CFAP54: variants seen among roughly 807,000 people sequenced by gnomAD.
CFAP54 encodes the protein cilia and flagella associated protein 54.
A neutral mutation model predicts 370.4 loss-of-function variants in CFAP54; 290 were observed. That is an observed-to-expected ratio of 0.78 (90% CI 0.71 to 0.86). The LOEUF (loss-of-function observed/expected upper bound fraction) is 0.86, where lower values mean the gene tolerates loss of function less well. Among genes scored for constraint, CFAP54 ranks in the 40% least tolerant of loss-of-function variants. CFAP54 has a pLI of 0.00. For missense variants in CFAP54, 3,399 were observed against 3,528.7 expected (o/e 0.96, Z 0.93); for synonymous variants, 1,206 against 1,236.5 (o/e 0.98, Z 0.52).
intron 15 of CFAP54, among the ~76,000 whole-genome samples, chr12:96,548,950 G>A (rs949609820): frequency 6.6e-6 from 1 of 151,954 alleles, no homozygotes; most frequent in African/African-American, 2.4e-5. Flanking sequence ...TGCCTTCCAG[G>A]TTCAAGCCAG....
At chr12:96,546,746 C>G (rs1461542790) in intron 14 of CFAP54, among the ~76,000 whole-genome samples, 2 of 150,654 alleles carry the variant, frequency 1.3e-5, no homozygotes, top group Non-Finnish European at 3.0e-5. Flanking sequence ...GGAGAATCAC[C>G]TGAAGCTGGG....
At chr12:96,751,156 G>A (rs1332222917) in intron 55 of CFAP54, among the ~76,000 whole-genome samples, 1 of 152,090 alleles carries the variant, frequency 6.6e-6, no homozygotes, top group East Asian at 1.9e-4. Context: ...ACATGAAAAA[G>A]TAGATTACTG....
At chr12:96,615,447 C>T (rs915789963) in intron 26 of CFAP54, among the ~76,000 whole-genome samples, 2 of 152,152 alleles carry the variant, frequency 1.3e-5, no homozygotes, top group African/African-American at 4.8e-5. Context: ...AGGACATAGG[C>T]ATGGGCAAGG....
intron 26 of CFAP54, among the ~76,000 whole-genome samples, chr12:96,610,067 G>T (rs1449474061): frequency 6.6e-6 from 1 of 152,130 alleles, no homozygotes; most frequent in Non-Finnish European, 1.5e-5. Flanking sequence ...TTGCCATAAG[G>T]CCACTTTAAT....
At chr12:96,740,494 C>G (rs563851221) in intron 51 of CFAP54, among the ~76,000 whole-genome samples, 150 of 152,326 alleles carry the variant, frequency 9.8e-4, no homozygotes, top group African/African-American at 3.5e-3. Context: ...TGCATTCAAG[C>G]TCTCAAATCT....
intron 50 of CFAP54, among the ~76,000 whole-genome samples, chr12:96,731,969 G>A (rs1204277814): frequency 6.6e-6 from 1 of 152,108 alleles, no homozygotes; most frequent in African/African-American, 2.4e-5. Flanking sequence ...GTAATTTGAA[G>A]CAGCTATTCA....
intron 36 of CFAP54, among the ~76,000 whole-genome samples, chr12:96,654,765 T>C (rs1956903257): frequency 1.3e-5 from 2 of 152,032 alleles, no homozygotes; most frequent in East Asian, 3.9e-4. Context: ...TGTTCACATT[T>C]TTTAGCTGCC....
chr12:96,555,832 G>T (rs1429010269), intron 17 of CFAP54, among the ~76,000 whole-genome samples: 1 of 151,734 alleles, frequency 6.6e-6, no homozygotes, highest in Non-Finnish European at 1.5e-5. Flanking sequence ...TATTCAAATA[G>T]ATCTATAGAC....
chr12:96,554,049 C>G (rs946271489), intron 15 of CFAP54, 133 bp from the exon 16 acceptor site: 1 of 521,306 alleles, frequency 1.9e-6, no homozygotes, highest in African/African-American at 2.0e-5. Context: ...TAGTTAGAGA[C>G]ATAACATTGT....
At chr12:96,507,556 CACAT>C (rs771107027) in intron 4 of CFAP54, among the ~76,000 whole-genome samples, 19,744 of 147,328 alleles carry the variant, frequency 0.13, 1,446 homozygotes, top group Non-Finnish European at 0.18. Flanking sequence ...CACACACACA[CACAT>C]ACACACACAC....
rs1166462824 is a variant in CFAP54, at chr12:96,746,102, TAGTTGGCTCTGTCCTTCCTG to T, written c.7684+1957_7684+1976del. ...AGCCTTTTGGCCTTGCTGTAGCTCCTAGTTGGCTCTGTCCTTCCTGGGGACCTTGCTTTGGCACTTTTACC... is the reference window on the plus strand; with the variant it reads ...AGCCTTTTGGCCTTGCTGTAGCTCCTGGGACCTTGCTTTGGCACTTTTACC... On this transcript the variant is annotated intron_variant, in intron 55 of 67. Coordinates refer to ENST00000524981, the MANE Select transcript of CFAP54 (RefSeq NM_001306084.2). 4.6e-5 allele frequency among the ~76,000 whole-genome samples: 7 copies of T among 152,306 alleles called. No individual in the cohort carries two copies. In the East Asian group the frequency reaches 1.3e-3, roughly 29 times the overall value.
chr12:96,792,539 T>A, intron 63 of CFAP54, 40 bp downstream of exon 63: 1 of 1,445,622 alleles, frequency 6.9e-7, no homozygotes, highest in South Asian at 1.3e-5. Flanking sequence ...TTCATTTATA[T>A]ATAAAGCTTA....
chr12:96,791,184 C>CTTTTTTT lies in CFAP54; in HGVS notation c.8680-1133_8680-1127dup, dbSNP rs369132463. ...GTAGTTTGCACTTCATTGAAGAACGCTTTTTTTTTTTTTTTTTTGAGACGG... is the reference window on the plus strand; with the variant it reads ...GTAGTTTGCACTTCATTGAAGAACGCTTTTTTTTTTTTTTTTTTTTTTTTTGAGACGG... On this transcript the variant is annotated intron_variant, in intron 62 of 67. Transcript: ENST00000524981. Among the ~76,000 whole-genome samples the CTTTTTTT allele has an allele frequency of 6.0e-3, 785 of 131,344 alleles. 13 individuals carry two copies. The East Asian group carries it at 0.062, about 10-fold the overall frequency. The allele number at this position is 131,344 out of a possible 152,430, so 86.2% of individuals were successfully genotyped here.
chr12:96,617,999 A>AAAAAAAAAAAG (rs1956441230), intron 26 of CFAP54, among the ~76,000 whole-genome samples: 1 of 150,546 alleles, frequency 6.6e-6, no homozygotes, highest in Non-Finnish European at 1.5e-5. Context: ...CAAAAAAAAA[A>AAAAAAAAAAAG]GGAATATATT....
chr12:96,710,454 T>C (rs1957598079), intron 48 of CFAP54, among the ~76,000 whole-genome samples: 1 of 152,166 alleles, frequency 6.6e-6, no homozygotes. Flanking sequence ...GCATAGGGGC[T>C]GTCTCTAGAT....
At chr12:96,600,779 G>A (rs1424462869) in intron 26 of CFAP54, among the ~76,000 whole-genome samples, 1 of 152,114 alleles carries the variant, frequency 6.6e-6, no homozygotes, top group African/African-American at 2.4e-5. Flanking sequence ...ATGGTGTATA[G>A]GAATGCTTGT....
intron 52 of CFAP54, 39 bp from the exon 53 acceptor site, chr12:96,743,363 T>C (rs948471290): frequency 2.5e-6 from 4 of 1,604,130 alleles, no homozygotes; most frequent in South Asian, 1.1e-5. Flanking sequence ...CTTCTGACTT[T>C]CTCAATGCAT....
At chr12:96,605,661 T>A (rs1427153512) in intron 26 of CFAP54, among the ~76,000 whole-genome samples, 1 of 152,224 alleles carries the variant, frequency 6.6e-6, no homozygotes, top group Non-Finnish European at 1.5e-5. Flanking sequence ...AGGCACTGGT[T>A]TGGGCTCTTG....
chr12:96,711,850 G>C (rs558447780), intron 48 of CFAP54, among the ~76,000 whole-genome samples: 46 of 152,296 alleles, frequency 3.0e-4, no homozygotes, highest in African/African-American at 1.1e-3. Context: ...GTTTGTAGCT[G>C]TGGTTCCTTT....
Sources: gnomAD v4.1 joint callset for allele counts (sites outside exome capture counted in the v4.1 genomes callset) on GRCh38, gnomAD v4.1.1 for gene constraint, MANE v1.5 for transcripts, NCBI Gene and HGNC (gene_info 2026-07-23, HGNC 2026-07-21) for gene names.